Variants in PGS1 observed in about 807,000 individuals in gnomAD.
The protein encoded by PGS1 is CDP-diacylglycerol--glycerol-3-phosphate 3-phosphatidyltransferase, mitochondrial.
Under a neutral mutation model 58.3 loss-of-function variants are expected in PGS1, and 44 were observed. That is an observed-to-expected ratio of 0.75 (90% CI 0.59 to 0.97). The LOEUF (loss-of-function observed/expected upper bound fraction) is 0.97. PGS1 is among the 50% of genes least tolerant of loss of function. The probability of loss-of-function intolerance (pLI) is 0.00; values close to 1 mark genes in which losing one functional copy is unlikely to be tolerated. For missense variants in PGS1, 684 were observed against 731.1 expected, an observed-to-expected ratio of 0.94 and a Z score of 0.74; for synonymous variants, 330 against 311.0, an observed-to-expected ratio of 1.06 and a Z score of -0.64.
intron 7 of PGS1, among the ~76,000 whole-genome samples, chr17:78,409,100 CTCTT>C (rs1036071954): frequency 6.6e-6 from 1 of 152,254 alleles, no homozygotes. Context: ...TCTTATGTCT[CTCTT>C]CATCTTTCTG....
At chr17:78,378,888 C>T (rs1189840574) in intron 1 of PGS1, 80 bp downstream of exon 1, 3 of 1,310,378 alleles carry the variant, frequency 2.3e-6, no homozygotes, top group Middle Eastern at 2.8e-4. Context: ...CCGGCCCCAG[C>T]GTCCTGGGCA....
At chr17:78,379,532 T>A (rs376616378) in intron 1 of PGS1, among the ~76,000 whole-genome samples, 2 of 151,912 alleles carry the variant, frequency 1.3e-5, no homozygotes, top group South Asian at 4.1e-4. Flanking sequence ...AAAAAGGGGA[T>A]AAATAATTCT....
At chr17:78,421,889 A>G (rs2146362798) in intron 9 of PGS1, 1 of 146,636 alleles carries the variant, frequency 6.8e-6, no homozygotes, top group Admixed American at 6.8e-5. Context: ...AGCCGGAGCA[A>G]CAGAGAGCAG....
At chr17:78,417,065 A>G (rs901146437) in intron 8 of PGS1, among the ~76,000 whole-genome samples, 6 of 152,160 alleles carry the variant, frequency 3.9e-5, no homozygotes, top group East Asian at 1.9e-4. Context: ...CACTTAGTAC[A>G]TACAATAAAC....
At chr17:78,415,283 A>AC (rs2085080897) in intron 8 of PGS1, among the ~76,000 whole-genome samples, 2 of 152,194 alleles carry the variant, frequency 1.3e-5, no homozygotes, top group South Asian at 4.1e-4. Context: ...AGGGGAGACC[A>AC]CCATTTTCTC....
Position 78,400,214 on chromosome 17 carries a change from G to A in PGS1, c.702-463G>A, listed in dbSNP as rs1240110984. On this transcript the variant is annotated intron_variant, in intron 5 of 9. Transcript: ENST00000262764. This position sits in a 1 kb window ranked among gnomAD's most constrained non-coding sequence, Gnocchi z 4.4. Reference sequence around the variant, plus strand: ...AGCCTGGACAACATGGTGAAGCCCCGTCTCTACTAAAAATACAAAAATTAG... The same window carrying A: ...AGCCTGGACAACATGGTGAAGCCCCATCTCTACTAAAAATACAAAAATTAG... Among the ~76,000 whole-genome samples, 2 of 152,070 alleles carry A rather than the reference G, an allele frequency of 1.3e-5. No homozygotes were observed. The highest frequency in any genetic ancestry group is 1.9e-4 in the East Asian group (1 of 5,192).
At chr17:78,421,851 A>C (rs1400480179) in intron 9 of PGS1, 1 of 152,140 alleles carries the variant, frequency 6.6e-6, no homozygotes, top group Middle Eastern at 3.1e-3. Flanking sequence ...GGAGCTCCCC[A>C]CACCAAGCCT....
At chr17:78,390,723 G>A (rs1365563698) in intron 1 of PGS1, among the ~76,000 whole-genome samples, 1 of 152,036 alleles carries the variant, frequency 6.6e-6, no homozygotes, top group African/African-American at 2.4e-5. Context: ...CTGGGTGTGC[G>A]GTCCCTCCAC....
chr17:78,403,773 T>A lies in PGS1; in HGVS notation c.1086T>A (p.Ile362=). ...YPLIQMKPFE[I]QIDEIVTETL... ...TGATTCAGATGAAGCCCTTCGAGAT[T>A]CAAATCGATGAGATTGTCACTGAGA... The change falls in exon 7 of 10, where the codon ATT becomes ATA. Residue 362 remains isoleucine, a synonymous_variant. Coordinates refer to ENST00000262764, the MANE Select transcript of PGS1 (RefSeq NM_024419.5). 6.2e-7 allele frequency: 1 copy of A among 1,614,174 alleles called. No homozygotes were observed. The highest frequency in any genetic ancestry group is 2.2e-5 in the East Asian group (1 of 44,878).
intron 1 of PGS1, among the ~76,000 whole-genome samples, chr17:78,386,954 G>A (rs992062646): frequency 2.6e-5 from 4 of 151,088 alleles, no homozygotes; most frequent in Admixed American, 6.6e-5. Flanking sequence ...GGTGATGATG[G>A]TGATGATGAT....
intron 1 of PGS1, among the ~76,000 whole-genome samples, chr17:78,385,998 C>T (rs4366775): frequency 0.51 from 77,463 of 151,980 alleles, 20,039 homozygotes; most frequent in East Asian, 0.62. Context: ...ACTTTCCTCC[C>T]CTCCCCAAGG....
intron 1 of PGS1, among the ~76,000 whole-genome samples, chr17:78,386,283 G>A (rs532224647): frequency 5.8e-4 from 88 of 152,354 alleles, no homozygotes; most frequent in African/African-American, 2.0e-3. Context: ...GGTTGGTGTG[G>A]TGATGTAGTA....
At chr17:78,380,906 T>TG (rs2146035087) in intron 1 of PGS1, 1 of 152,128 alleles carries the variant, frequency 6.6e-6, no homozygotes, top group East Asian at 1.9e-4. Flanking sequence ...AGTGCAGTGG[T>TG]CTGATCTCGG....
chr17:78,412,127 C>T (rs1408892383), intron 7 of PGS1, among the ~76,000 whole-genome samples: 3 of 152,106 alleles, frequency 2.0e-5, no homozygotes, highest in Non-Finnish European at 1.5e-5. Context: ...CCCAGCTGCC[C>T]TGGCCTGTGG....
At chr17:78,423,187 C>A (rs563727897) in intron 9 of PGS1, among the ~76,000 whole-genome samples, 1 of 152,000 alleles carries the variant, frequency 6.6e-6, no homozygotes, top group Non-Finnish European at 1.5e-5. Flanking sequence ...CCCCTCATCC[C>A]CCAGGTTGCT....
At chr17:78,391,816 G>A (rs1444776549) in intron 1 of PGS1, among the ~76,000 whole-genome samples, 1 of 152,100 alleles carries the variant, frequency 6.6e-6, no homozygotes, top group African/African-American at 2.4e-5. Flanking sequence ...TAGACACTGG[G>A]TCCTGCTATA....
chr17:78,399,548 C>T lies in PGS1; in HGVS notation c.701+11C>T. 6.2e-7 allele frequency: 1 copy of T among 1,613,558 alleles called. No homozygotes were observed. The highest frequency in any genetic ancestry group is 8.5e-7 in the Non-Finnish European group (1 of 1,179,576). ...CGTCATCTTGAGCGGGTGAGTGCTT[C>T]CCACCGTCAGTGCTTTTGCCCTCCT... On this transcript the variant is annotated intron_variant, in intron 5 of 9. Transcript: ENST00000262764.
chr17:78,423,991 G>A (rs1217662176), intron 9 of PGS1, 70 bp from the exon 10 acceptor site: 4 of 1,613,916 alleles, frequency 2.5e-6, no homozygotes, highest in Non-Finnish European at 3.4e-6. Context: ...CCAGACATAG[G>A]TGGGGCCGCG....
chr17:78,387,005 A>G (rs62075735), intron 1 of PGS1, among the ~76,000 whole-genome samples: 7,085 of 150,940 alleles, frequency 0.047, 466 homozygotes, highest in African/African-American at 0.15. Context: ...GATGATGATG[A>G]TGGTGATGAT....
Sources: allele counts gnomAD v4.1 joint callset (sites outside exome capture counted in the v4.1 genomes callset), GRCh38; gene constraint gnomAD v4.1.1; non-coding constraint Gnocchi (gnomAD v3.1); transcripts MANE v1.5; gene names NCBI Gene and HGNC (gene_info 2026-07-23, HGNC 2026-07-21).